The following KSR2 variants were observed in gnomAD, a reference collection of about 807,000 sequenced individuals.
The protein encoded by KSR2 is kinase suppressor of ras 2.
Under a neutral mutation model 107.8 loss-of-function variants are expected in KSR2, and 25 were observed. That is an observed-to-expected ratio of 0.23 (90% CI 0.17 to 0.32). KSR2 has a LOEUF of 0.32. KSR2 is among the 10% of genes least tolerant of loss of function. The pLI is 1.00. For missense variants in KSR2, 887 were observed against 1,268.9 expected, an observed-to-expected ratio of 0.70 and a Z score of 4.57; for synonymous variants, 480 against 507.0, an observed-to-expected ratio of 0.95 and a Z score of 0.71.
chr12:117,964,442 T>C (rs1041123073), intron 1 of KSR2, among the ~76,000 whole-genome samples: 5 of 152,222 alleles, frequency 3.3e-5, no homozygotes, highest in African/African-American at 1.2e-4. Flanking sequence ...TTAAGTACAG[T>C]GCCTGGATGT....
At chr12:117,795,115 C>T (rs1593246447) in intron 3 of KSR2, among the ~76,000 whole-genome samples, 1 of 152,202 alleles carries the variant, frequency 6.6e-6, no homozygotes, top group Non-Finnish European at 1.5e-5. Flanking sequence ...ATCATTCTGA[C>T]TTGCACGGCA....
chr12:117,861,451 T>TTTGTTGCAATGGCGG (rs1893290243), intron 1 of KSR2, among the ~76,000 whole-genome samples: 1 of 135,638 alleles, frequency 7.4e-6, no homozygotes, highest in Non-Finnish European at 1.5e-5. Flanking sequence ...TGCAGTGGCG[T>TTTGTTGCAATGGCGG]GATCTCGGCT....
intron 14 of KSR2, among the ~76,000 whole-genome samples, chr12:117,488,340 C>T (rs1026492557): frequency 6.6e-6 from 1 of 152,192 alleles, no homozygotes; most frequent in Non-Finnish European, 1.5e-5. Flanking sequence ...CATATTCACC[C>T]CTACACATGC....
intron 10 of KSR2, among the ~76,000 whole-genome samples, chr12:117,532,348 A>G (rs1230861303): frequency 6.6e-6 from 1 of 152,260 alleles, no homozygotes; most frequent in Middle Eastern, 3.4e-3. Flanking sequence ...TCATGGCTCC[A>G]TCACTCCAAC....
At chr12:117,702,167 G>A (rs1227526134) in intron 4 of KSR2, among the ~76,000 whole-genome samples, 1 of 152,178 alleles carries the variant, frequency 6.6e-6, no homozygotes, top group Non-Finnish European at 1.5e-5. Flanking sequence ...ACTTCAGACA[G>A]CAGTTCTATC....
intron 4 of KSR2, among the ~76,000 whole-genome samples, chr12:117,720,765 T>C (rs1887175962): frequency 1.3e-5 from 2 of 152,032 alleles, no homozygotes; most frequent in African/African-American, 2.4e-5. Flanking sequence ...TTGAAGGTGA[T>C]AGAGTAAGAA....
At chr12:117,522,177 A>G (rs1273378608) in intron 14 of KSR2, among the ~76,000 whole-genome samples, 1 of 152,164 alleles carries the variant, frequency 6.6e-6, no homozygotes, top group Non-Finnish European at 1.5e-5. Context: ...AGGGCCGCAA[A>G]TGCAGCTGGC....
At chr12:117,732,635 T>A (rs538902506) in intron 4 of KSR2, among the ~76,000 whole-genome samples, 1 of 152,232 alleles carries the variant, frequency 6.6e-6, no homozygotes, top group South Asian at 2.1e-4. Context: ...TCACCTGCTC[T>A]CCTTGAAGCT....
chr12:117,517,947 C>T (rs1166315993), intron 14 of KSR2: 1 of 445,956 alleles, frequency 2.2e-6, no homozygotes, highest in Non-Finnish European at 4.5e-6. Context: ...GCAGGGTTCT[C>T]CATGCATCTG....
chr12:117,623,145 A>G (rs57705330), intron 5 of KSR2, among the ~76,000 whole-genome samples: 2,826 of 152,366 alleles, frequency 0.019, 83 homozygotes, highest in African/African-American at 0.064. Flanking sequence ...CGCACATGGT[A>G]GATACCAATG....
intron 8 of KSR2, 99 bp from the exon 9 acceptor site, chr12:117,555,392 T>G (rs1167606840): frequency 1.6e-6 from 2 of 1,230,184 alleles, no homozygotes; most frequent in Non-Finnish European, 2.3e-6. Context: ...AGACCCACCC[T>G]CCAGACTGGA....
intron 7 of KSR2, among the ~76,000 whole-genome samples, chr12:117,573,682 C>T (rs1879057609): frequency 6.6e-6 from 1 of 151,938 alleles, no homozygotes; most frequent in African/African-American, 2.4e-5. Context: ...CGCCCATCAC[C>T]AAACTCGGCT....
chr12:117,646,668 T>C (rs1332908125), intron 5 of KSR2, among the ~76,000 whole-genome samples: 1 of 151,466 alleles, frequency 6.6e-6, no homozygotes, highest in Non-Finnish European at 1.5e-5. Flanking sequence ...CAGCATCGAG[T>C]TTCTTCTGAA....
Position 117,463,644 on chromosome 12 carries a change from T to C in KSR2, c.*3555A>G, listed in dbSNP as rs1014477015. ...CCTCAATTAAAACATGTAAAAACCATTTGGCAGGCTGGGTATGGCCTATGG... is the reference window on the plus strand; with the variant it reads ...CCTCAATTAAAACATGTAAAAACCACTTGGCAGGCTGGGTATGGCCTATGG... On this transcript the variant is annotated 3_prime_UTR_variant, in exon 20 of 20. Transcript: ENST00000339824. 6.6e-6 allele frequency: 1 copy of C among 152,236 alleles called. No individual in the cohort carries two copies. Among genetic ancestry groups the C allele is most frequent in the African/African-American group, 2.4e-5 (1 of 41,450 alleles). The allele number at this position is 152,236 out of a possible 1,614,324, so 9.4% of individuals were successfully genotyped here. A position where few individuals can be genotyped will look rare whatever the true frequency, so the allele number is the denominator to read the frequency against.
chr12:117,630,268 T>C (rs183502021), intron 5 of KSR2, among the ~76,000 whole-genome samples: 24 of 152,282 alleles, frequency 1.6e-4, no homozygotes, highest in Admixed American at 1.1e-3. Context: ...TCAATTGTGT[T>C]CTAGGCAGAG....
chr12:117,595,629 C>T (rs1880600646), intron 5 of KSR2, among the ~76,000 whole-genome samples: 1 of 152,172 alleles, frequency 6.6e-6, no homozygotes. Context: ...TCCCAAAGTG[C>T]TGGGATTACA....
At position 117,667,531 on chromosome 12, in the gene KSR2, G is replaced by A. The variant is rs953353282; in HGVS notation, c.1114C>T (p.His372Tyr). 3.1e-6 allele frequency: 5 copies of A among 1,612,764 alleles called. No homozygotes were observed. In the African/African-American group the frequency reaches 5.3e-5, roughly 17 times the overall value. ...GGGGTGGAAGGCAGGAAAGGTGCGT[G>A]TCCCACAAAGAAGGAGCGGAGGGAG... ...ERSLRSFFVG[H>Y]APFLPSTPPV... is the part of the protein sequence containing the mutation. Residue 372 changes from histidine (H) to tyrosine (Y), a missense_variant, in exon 5 of 20, where the codon CAC becomes TAC. Coordinates refer to ENST00000339824, the MANE Select transcript of KSR2 (RefSeq NM_173598.6).
At chr12:117,883,443 A>G (rs907853875) in intron 1 of KSR2, among the ~76,000 whole-genome samples, 2 of 152,176 alleles carry the variant, frequency 1.3e-5, no homozygotes, top group Admixed American at 1.3e-4. Flanking sequence ...AAAATTATGA[A>G]CAAGATAGGC....
At chr12:117,794,258 TA>T (rs1890487794) in intron 3 of KSR2, among the ~76,000 whole-genome samples, 4 of 17,962 alleles carry the variant, frequency 2.2e-4, no homozygotes, top group African/African-American at 8.7e-4. Context: ...CATGCACACA[TA>T]CACCAACATG....
Sources: allele counts gnomAD v4.1 joint callset (sites outside exome capture counted in the v4.1 genomes callset), GRCh38; gene constraint gnomAD v4.1.1; transcripts MANE v1.5; gene names NCBI Gene and HGNC (gene_info 2026-07-23, HGNC 2026-07-21).